Variants in RPS6KA2 observed in about 807,000 individuals in gnomAD.
RPS6KA2 encodes ribosomal protein S6 kinase alpha-2.
In RPS6KA2, 42 loss-of-function variants were observed where a neutral mutation model predicts 91.8. That is an observed-to-expected ratio of 0.46 (90% CI 0.36 to 0.59). The LOEUF (loss-of-function observed/expected upper bound fraction) is 0.59. RPS6KA2 is among the 20% of genes least tolerant of loss of function. The pLI, the probability that RPS6KA2 is intolerant of heterozygous loss-of-function variation, is 0.00. For missense variants in RPS6KA2, 798 were observed against 978.5 expected (o/e 0.82, Z 2.46); for synonymous variants, 414 against 393.6 (o/e 1.05, Z -0.61).
intron 3 of RPS6KA2, among the ~76,000 whole-genome samples, chr6:166,515,479 T>C (rs959758792): frequency 2.0e-5 from 3 of 152,182 alleles, no homozygotes; most frequent in East Asian, 1.9e-4. Context: ...CTGATGTAGA[T>C]AAAAAGAAGA....
intron 2 of RPS6KA2, among the ~76,000 whole-genome samples, chr6:166,791,577 A>G (rs1779091218): frequency 6.6e-6 from 1 of 152,214 alleles, no homozygotes; most frequent in Non-Finnish European, 1.5e-5. Context: ...TCTCAGCACC[A>G]CATCACACTT....
chr6:166,420,340 C>A (rs1335871615), intron 17 of RPS6KA2, among the ~76,000 whole-genome samples: 1 of 152,194 alleles, frequency 6.6e-6, no homozygotes, highest in East Asian at 1.9e-4. Flanking sequence ...GCCAACATCA[C>A]CACCATCCAT....
At chr6:166,521,340 C>T (rs1782848296) in intron 3 of RPS6KA2, among the ~76,000 whole-genome samples, 1 of 152,230 alleles carries the variant, frequency 6.6e-6, no homozygotes, top group African/African-American at 2.4e-5. Context: ...CCCTGCAAAG[C>T]TCCGGGGCAG....
chr6:166,511,269 T>C (rs771517377), intron 3 of RPS6KA2, among the ~76,000 whole-genome samples: 2 of 152,144 alleles, frequency 1.3e-5, no homozygotes, highest in Non-Finnish European at 2.9e-5. Context: ...CTTCATCCAA[T>C]GGTGTGAGCA....
At chr6:166,630,010 C>T (rs552266272), upstream of RPS6KA2, among the ~76,000 whole-genome samples, 2 of 152,162 alleles carry the variant, frequency 1.3e-5, no homozygotes, top group South Asian at 2.1e-4. Flanking sequence ...GAAAGAAATG[C>T]GTAAGAGATG....
At chr6:166,608,963 G>A (rs1786057091) in intron 1 of RPS6KA2, among the ~76,000 whole-genome samples, 1 of 152,060 alleles carries the variant, frequency 6.6e-6, no homozygotes, top group Non-Finnish European at 1.5e-5. Context: ...TACTCTGAAG[G>A]GCACTTTCCG....
At chr6:166,516,207 T>C (rs1195077511) in intron 3 of RPS6KA2, among the ~76,000 whole-genome samples, 2 of 152,022 alleles carry the variant, frequency 1.3e-5, no homozygotes, top group African/African-American at 4.8e-5. Flanking sequence ...ATTGCCCACC[T>C]CTCCCCCGTT....
intron 2 of RPS6KA2, among the ~76,000 whole-genome samples, chr6:166,853,753 G>A (rs1377619174): frequency 1.3e-5 from 2 of 152,254 alleles, no homozygotes; most frequent in South Asian, 2.1e-4. Context: ...CAACAAGTCC[G>A]CCCAGTTAGG....
chr6:166,780,035 C>T (rs1009344164), intron 2 of RPS6KA2, among the ~76,000 whole-genome samples: 4 of 152,194 alleles, frequency 2.6e-5, no homozygotes, highest in Non-Finnish European at 5.9e-5. Context: ...GGAAAGGCCT[C>T]CTCTGCTTTT....
intron 1 of RPS6KA2, among the ~76,000 whole-genome samples, chr6:166,555,347 G>A (rs1283652735): frequency 1.3e-5 from 2 of 152,140 alleles, no homozygotes; most frequent in South Asian, 2.1e-4. Context: ...TCCGACCTTG[G>A]AGCCATAAAG....
chr6:166,658,412 G>A (rs78411296), intron 2 of RPS6KA2, among the ~76,000 whole-genome samples: 6 of 152,306 alleles, frequency 3.9e-5, no homozygotes, highest in Admixed American at 6.5e-5. Flanking sequence ...GCTGGTCGCC[G>A]TGTCACTCAG....
At position 166,639,823 on chromosome 6, in the gene RPS6KA2, GTC is replaced by G. The variant is rs1554240316; in HGVS notation, c.124-101041_124-101040del. 6.6e-6 allele frequency among the ~76,000 whole-genome samples: 1 copy of G among 151,940 alleles called. No individual in the cohort carries two copies. The highest frequency in any genetic ancestry group is 1.5e-5 in the Non-Finnish European group (1 of 67,958). On this transcript the variant is annotated intron_variant, in intron 2 of 21. Coordinates refer to the RPS6KA2 transcript ENST00000503859. This position sits in a 1 kb window ranked among gnomAD's most constrained non-coding sequence, Gnocchi z 4.2. Reference sequence around the variant, plus strand: ...ACTCCACCCCACAGGCCCTGTTGGGGTCTCTCCTGGGTTCCTCTAGTTTGCTC... The same window carrying G: ...ACTCCACCCCACAGGCCCTGTTGGGGTCTCCTGGGTTCCTCTAGTTTGCTC...
chr6:166,480,503 ATATATATAT>A (rs1562523892), intron 10 of RPS6KA2, among the ~76,000 whole-genome samples: 5 of 125,404 alleles, frequency 4.0e-5, no homozygotes, highest in African/African-American at 1.5e-4. Flanking sequence ...ATATATATAT[ATATATATAT>A]ATAATATATT....
intron 2 of RPS6KA2, among the ~76,000 whole-genome samples, chr6:166,822,375 A>T (rs1261653328): frequency 6.6e-6 from 1 of 152,198 alleles, no homozygotes; most frequent in African/African-American, 2.4e-5. Context: ...ACAGGGAGAC[A>T]CCCTGGCTTT....
At chr6:166,742,145 CA>C (rs1384240672) in intron 2 of RPS6KA2, among the ~76,000 whole-genome samples, 1 of 151,884 alleles carries the variant, frequency 6.6e-6, no homozygotes, top group Non-Finnish European at 1.5e-5. Context: ...AAACAAAAAA[CA>C]AAACAAAAAA....
At position 166,737,120 on chromosome 6, in the gene RPS6KA2, G is replaced by T. The variant is rs562946027; in HGVS notation, c.123+121080C>A. Among the ~76,000 whole-genome samples the T allele has an allele frequency of 6.6e-6, 1 of 152,054 alleles. No homozygotes were observed. The highest frequency in any genetic ancestry group is 1.9e-4 in the East Asian group (1 of 5,132). ...ATTCTTTGTCAACTGTCACAAACGA[G>T]GTCCTTGATTTTCAATTTCCTGCAA... On this transcript the variant is annotated intron_variant, in intron 2 of 21. Coordinates refer to the RPS6KA2 transcript ENST00000503859. This position sits in a 1 kb window ranked among gnomAD's most constrained non-coding sequence, Gnocchi z 4.3.
chr6:166,490,778 C>T lies in RPS6KA2; in HGVS notation c.748-37G>A. On this transcript the variant is annotated intron_variant, in intron 8 of 20. Transcript: ENST00000265678. This position sits in a 1 kb window ranked among gnomAD's most constrained non-coding sequence, Gnocchi z 4.2. ...CACAGAGCACAGTGAGTTCATTCAT[C>T]CAGATGGACCCGGCTTCACGGCAGA... 6.6e-7 allele frequency: 1 copy of T among 1,525,688 alleles called. No homozygotes were observed. The allele number at this position is 1,525,688 out of a possible 1,614,324, so 94.5% of individuals were successfully genotyped here. A position where few individuals can be genotyped will look rare whatever the true frequency, so the allele number is the denominator to read the frequency against.
rs1790590513 is a variant in RPS6KA2 at position 166,733,422 on chromosome 6, G to A, written c.123+124778C>T. On this transcript the variant is annotated intron_variant, in intron 2 of 21. Coordinates refer to the RPS6KA2 transcript ENST00000503859. The surrounding 1 kb of genome is among the most constrained non-coding windows in gnomAD (Gnocchi z 4.1). ...GCATTGTCGTCCAGGAAATTTAGAG[G>A]CCAACGAGGGCAGGATCTACTCCCA... Among the ~76,000 whole-genome samples the A allele has an allele frequency of 6.6e-6, 1 of 152,136 alleles. No homozygotes were observed. The highest frequency in any genetic ancestry group is 1.5e-5 in the Non-Finnish European group (1 of 68,024).
chr6:166,644,017 T>C (rs1269365516), intron 2 of RPS6KA2, among the ~76,000 whole-genome samples: 1 of 152,254 alleles, frequency 6.6e-6, no homozygotes, highest in Admixed American at 6.5e-5. Flanking sequence ...AAGCAGTCAC[T>C]GAACTGGCAG....
Sources: allele counts gnomAD v4.1 joint callset (sites outside exome capture counted in the v4.1 genomes callset), GRCh38; gene constraint gnomAD v4.1.1; non-coding constraint Gnocchi (gnomAD v3.1); transcripts MANE v1.5; gene names NCBI Gene and HGNC (gene_info 2026-07-23, HGNC 2026-07-21).